The following SRPK2 variants were observed in gnomAD, a reference collection of about 807,000 sequenced individuals.
The protein encoded by SRPK2 is SRSF protein kinase 2, also known as SFRS protein kinase 2.
In SRPK2, 21 loss-of-function variants were observed where a neutral mutation model predicts 90.8. That is an observed-to-expected ratio of 0.23 (90% CI 0.16 to 0.33). SRPK2 has a LOEUF of 0.33. SRPK2 is among the 10% of genes least tolerant of loss of function. The pLI is 1.00. For missense variants in SRPK2, 620 were observed against 869.0 expected (o/e 0.71, Z 3.60); for synonymous variants, 288 against 311.1 (o/e 0.93, Z 0.78).
chr7:105,125,938 C>T, intron 15 of SRPK2: 1 of 844,954 alleles, frequency 1.2e-6, no homozygotes, highest in Non-Finnish European at 1.7e-6. Flanking sequence ...ACACTGCATG[C>T]AGACACTACC....
chr7:105,280,285 C>T (rs896810276), intron 2 of SRPK2, among the ~76,000 whole-genome samples: 2 of 151,780 alleles, frequency 1.3e-5, no homozygotes, highest in African/African-American at 4.8e-5. Context: ...TGTGGTGGTG[C>T]ACACCTGTCA....
chr7:105,199,854 C>T (rs1232606250), intron 3 of SRPK2, among the ~76,000 whole-genome samples: 1 of 149,922 alleles, frequency 6.7e-6, no homozygotes, highest in East Asian at 1.9e-4. Context: ...AATAAGCACA[C>T]CTAATGCCCA....
intron 11 of SRPK2, among the ~76,000 whole-genome samples, chr7:105,134,847 G>C (rs999385404): frequency 3.9e-5 from 6 of 152,202 alleles, no homozygotes; most frequent in African/African-American, 1.4e-4. Context: ...GAGCCAGCCA[G>C]GTACAGATAT....
chr7:105,199,225 C>A (rs535840186), intron 3 of SRPK2, among the ~76,000 whole-genome samples: 84 of 152,242 alleles, frequency 5.5e-4, no homozygotes, highest in African/African-American at 1.9e-3. Flanking sequence ...TGCCCTCCAA[C>A]CCAAGTGTCT....
intron 2 of SRPK2, among the ~76,000 whole-genome samples, chr7:105,252,853 C>G (rs531745702): frequency 6.6e-6 from 1 of 151,118 alleles, no homozygotes; most frequent in Admixed American, 6.6e-5. Context: ...AAGAAATTCT[C>G]ATGCCTCAGC....
At chr7:105,394,629 C>A (rs1822273733) in intron 1 of SRPK2, among the ~76,000 whole-genome samples, 1 of 152,310 alleles carries the variant, frequency 6.6e-6, no homozygotes, top group Non-Finnish European at 1.5e-5. Flanking sequence ...TAATTCTTAA[C>A]AGTTGGGAGA....
At position 105,279,979 on chromosome 7, in the gene SRPK2, A is replaced by G. The variant is rs567547881; in HGVS notation, c.72-76194T>C. Among the ~76,000 whole-genome samples the G allele has an allele frequency of 8.5e-5, 13 of 152,346 alleles. No individual in the cohort carries two copies. In the South Asian group the frequency reaches 1.2e-3, roughly 15 times the overall value. On this transcript the variant is annotated intron_variant, in intron 2 of 15. Coordinates refer to ENST00000393651, the MANE Select transcript of SRPK2 (RefSeq NM_182692.3). Reference sequence around the variant, plus strand: ...TATGAATATCATTTATTTTACTGATAAAATACATAAATTTTACAGATTATA... The same window carrying G: ...TATGAATATCATTTATTTTACTGATGAAATACATAAATTTTACAGATTATA...
intron 13 of SRPK2, among the ~76,000 whole-genome samples, chr7:105,131,565 C>T (rs1183451048): frequency 3.9e-5 from 6 of 152,142 alleles, no homozygotes; most frequent in African/African-American, 1.2e-4. Flanking sequence ...CCTATCTGGC[C>T]ATGTGCTGAC....
intron 3 of SRPK2, among the ~76,000 whole-genome samples, chr7:105,172,020 T>G (rs560669951): frequency 1.3e-5 from 2 of 151,942 alleles, no homozygotes; most frequent in Admixed American, 1.3e-4. Context: ...CAGCCTCCCA[T>G]GTAGCTGGGA....
chr7:105,305,837 G>C (rs932313432), intron 2 of SRPK2, among the ~76,000 whole-genome samples: 22 of 152,222 alleles, frequency 1.4e-4, no homozygotes, highest in Non-Finnish European at 7.3e-5. Flanking sequence ...TCTTAACAAA[G>C]GGTGATAAAG....
intron 2 of SRPK2, chr7:105,206,583 G>C (rs1796259417): frequency 6.5e-6 from 1 of 153,466 alleles, no homozygotes; most frequent in Non-Finnish European, 1.5e-5. Context: ...AGGAGGTTTA[G>C]TAATGCTGAT....
chr7:105,388,770 G>A (rs1307058313), intron 1 of SRPK2, 21 bp downstream of exon 1: 2 of 1,521,300 alleles, frequency 1.3e-6, no homozygotes, highest in South Asian at 1.2e-5. Flanking sequence ...GCGGGGAGAG[G>A]GCGCGCCGCG....
intron 2 of SRPK2, among the ~76,000 whole-genome samples, chr7:105,332,330 G>C (rs577926894): frequency 6.6e-6 from 1 of 152,234 alleles, no homozygotes; most frequent in East Asian, 1.9e-4. Context: ...AATAATGATA[G>C]AAACTAGCAT....
At chr7:105,232,516 G>A (rs1585275191) in intron 2 of SRPK2, among the ~76,000 whole-genome samples, 1 of 144,166 alleles carries the variant, frequency 6.9e-6, no homozygotes. Context: ...AAGTACAAAA[G>A]TAAAACAAAA....
chr7:105,388,623 G>A lies in SRPK2; in HGVS notation c.71+25C>T, dbSNP rs754953128. The A allele has an allele frequency of 1.2e-5, 18 of 1,562,314 alleles. No individual in the cohort carries two copies. The African/African-American group carries it at 2.5e-4, about 22-fold the overall frequency. ...CCCCGACGGGGCGGGGGTGGGGAAC[G>A]GGGACAGGCGCAGCGTGGACTCACT... On this transcript the variant is annotated intron_variant, in intron 2 of 15. Coordinates refer to ENST00000393651, the MANE Select transcript of SRPK2 (RefSeq NM_182692.3).
chr7:105,168,749 G>GTGTGTGTT (rs1332231507), intron 4 of SRPK2, among the ~76,000 whole-genome samples: 1 of 131,430 alleles, frequency 7.6e-6, no homozygotes, highest in African/African-American at 3.6e-5. Flanking sequence ...CACCAAATGT[G>GTGTGTGTT]TGTGTGTGTG....
intron 2 of SRPK2, among the ~76,000 whole-genome samples, chr7:105,289,790 T>C (rs990187608): frequency 6.6e-6 from 1 of 152,064 alleles, no homozygotes; most frequent in Admixed American, 6.5e-5. Context: ...ATAAGAGGTC[T>C]AGCTTTCCTC....
chr7:105,258,624 G>A (rs924615758), intron 2 of SRPK2, among the ~76,000 whole-genome samples: 1 of 151,996 alleles, frequency 6.6e-6, no homozygotes, highest in Non-Finnish European at 1.5e-5. Flanking sequence ...ACACTGATGC[G>A]AAAATCCTCA....
intron 2 of SRPK2, among the ~76,000 whole-genome samples, chr7:105,304,959 A>T (rs1810984247): frequency 1.3e-5 from 2 of 152,246 alleles, no homozygotes; most frequent in Admixed American, 1.3e-4. Flanking sequence ...CCAAACTATT[A>T]CACAGCTAAA....
Sources: allele counts gnomAD v4.1 joint callset (sites outside exome capture counted in the v4.1 genomes callset), GRCh38; gene constraint gnomAD v4.1.1; transcripts MANE v1.5; gene names NCBI Gene and HGNC (gene_info 2026-07-23, HGNC 2026-07-21).